The following PLCG2 variants were observed in gnomAD, a reference collection of about 807,000 sequenced individuals.
PLCG2 encodes the protein 1-phosphatidylinositol 4,5-bisphosphate phosphodiesterase gamma-2.
PLCG2 carries 69 observed loss-of-function variants against 175.6 expected under a neutral mutation model. The observed-to-expected ratio is 0.39, with a 90% CI of 0.32 to 0.48. PLCG2 has a LOEUF of 0.48. Among genes scored for constraint, PLCG2 ranks in the 20% least tolerant of loss-of-function variants. The probability of loss-of-function intolerance (pLI) is 0.91; values close to 1 mark genes in which losing one functional copy is unlikely to be tolerated. For missense variants in PLCG2, 1,798 were observed against 1,650.9 expected, an observed-to-expected ratio of 1.09 and a Z score of -1.54; for synonymous variants, 827 against 624.0, an observed-to-expected ratio of 1.33 and a Z score of -4.85.
At chr16:81,740,869 C>T (rs1451446261) in intron 1 of PLCG2, among the ~76,000 whole-genome samples, 1 of 151,470 alleles carries the variant, frequency 6.6e-6, no homozygotes, top group Non-Finnish European at 1.5e-5. Context: ...AGAATGAAAC[C>T]AACCCATTGA....
intron 2 of PLCG2, among the ~76,000 whole-genome samples, chr16:81,811,273 A>G (rs1402685289): frequency 6.6e-6 from 1 of 152,162 alleles, no homozygotes; most frequent in Non-Finnish European, 1.5e-5. Context: ...GTGTGGGTGT[A>G]AAGACTAGAG....
At chr16:81,745,295 C>T (rs1009386096) in intron 1 of PLCG2, among the ~76,000 whole-genome samples, 11 of 152,134 alleles carry the variant, frequency 7.2e-5, no homozygotes, top group South Asian at 2.1e-4. Flanking sequence ...GGAGAGTTGC[C>T]GGAAGCCTTC....
chr16:81,824,034 C>CTTTCCTTTCCTTTCCTTTCT (rs1567483092), intron 2 of PLCG2, among the ~76,000 whole-genome samples: 12 of 55,920 alleles, frequency 2.1e-4, no homozygotes, highest in Non-Finnish European at 3.5e-4. Context: ...CTTTCCTTTC[C>CTTTCCTTTCCTTTCCTTTCT]TTTCCTTTCC....
At chr16:81,927,047 G>T (rs768177503) in intron 22 of PLCG2, 35 bp from the exon 23 acceptor site, 8 of 1,419,022 alleles carry the variant, frequency 5.6e-6, no homozygotes, top group Non-Finnish European at 7.0e-6. Context: ...ATGCCACCTG[G>T]TGACAGCGCC....
intron 2 of PLCG2, among the ~76,000 whole-genome samples, chr16:81,851,499 A>G (rs531196455): frequency 3.3e-5 from 5 of 151,984 alleles, no homozygotes; most frequent in African/African-American, 1.2e-4. Context: ...CTCTTTTCAC[A>G]TGGCCTTTTT....
At chr16:81,947,462 G>A (rs911949186) in intron 31 of PLCG2, among the ~76,000 whole-genome samples, 1 of 152,216 alleles carries the variant, frequency 6.6e-6, no homozygotes, top group Non-Finnish European at 1.5e-5. Flanking sequence ...AAGCCGAGCT[G>A]AATTGCATTC....
rs914989253 is a variant in PLCG2, at chr16:81,939,956, C to A, written c.3378C>A (p.Asp1126Glu). ...AGAAGGTGACATTTGAAATTTATGA[C>A]CCAAACCTGGCATTTCTGCGCTTTG... ...TQEKVTFEIY[D>E]PNLAFLRFVV... Residue 1126 changes from aspartate to glutamate, a missense_variant, in exon 30 of 33, where the codon GAC becomes GAA. Physicochemically the swap from Asp to Glu is conservative, Grantham distance 45. Transcript: ENST00000564138. 3.7e-6 allele frequency: 6 copies of A among 1,613,882 alleles called. No homozygotes were observed. The South Asian group carries it at 5.5e-5, about 15-fold the overall frequency.
intron 7 of PLCG2, among the ~76,000 whole-genome samples, chr16:81,872,164 C>T (rs1597365965): frequency 6.6e-6 from 1 of 152,066 alleles, no homozygotes; most frequent in Admixed American, 6.5e-5. Context: ...CCCATCTCTA[C>T]TAAAAATACA....
intron 2 of PLCG2, among the ~76,000 whole-genome samples, chr16:81,805,783 G>GTTTTTTTTTTTTTTTTTTTTTTTT (rs35014411): frequency 2.4e-5 from 2 of 82,928 alleles, no homozygotes; most frequent in Non-Finnish European, 4.4e-5. Flanking sequence ...TTTTTTTTTT[G>GTTTTTTTTTTTTTTTTTTTTTTTT]TTTTTTTTTT....
At chr16:81,941,094 G>A (rs1910921792) in intron 30 of PLCG2, among the ~76,000 whole-genome samples, 1 of 152,202 alleles carries the variant, frequency 6.6e-6, no homozygotes, top group South Asian at 2.1e-4. Context: ...GAAACGTGGG[G>A]CTCAATGAAG....
chr16:81,812,044 T>A (rs1364234670), intron 2 of PLCG2, among the ~76,000 whole-genome samples: 6 of 94,000 alleles, frequency 6.4e-5, no homozygotes, highest in Non-Finnish European at 1.1e-4. Flanking sequence ...GTTTCCTGAC[T>A]TTTTTTTTTT....
chr16:81,859,259 G>C, intron 5 of PLCG2, 96 bp downstream of exon 5: 1 of 800,592 alleles, frequency 1.2e-6, no homozygotes, highest in South Asian at 1.4e-5. Flanking sequence ...CTTGTCGGGA[G>C]CAAGGTCCTC....
chr16:81,903,865 C>G (rs1909254098), intron 14 of PLCG2, among the ~76,000 whole-genome samples: 1 of 152,224 alleles, frequency 6.6e-6, no homozygotes, highest in Non-Finnish European at 1.5e-5. Flanking sequence ...CTGCCCCACA[C>G]CTGATACGCT....
At chr16:81,868,808 C>T (rs141077980) in intron 5 of PLCG2, among the ~76,000 whole-genome samples, 135 of 152,378 alleles carry the variant, frequency 8.9e-4, no homozygotes, top group Non-Finnish European at 1.6e-3. Context: ...CATGACCATT[C>T]CTGAAGGGTG....
intron 2 of PLCG2, among the ~76,000 whole-genome samples, chr16:81,793,358 T>C (rs753498997): frequency 2.0e-5 from 3 of 152,156 alleles, no homozygotes; most frequent in Non-Finnish European, 4.4e-5. Context: ...TCTGGGGCCT[T>C]TCTGAGTTGA....
chr16:81,927,887 C>T (rs778262557), intron 23 of PLCG2, among the ~76,000 whole-genome samples: 2 of 152,130 alleles, frequency 1.3e-5, no homozygotes, highest in Non-Finnish European at 2.9e-5. Flanking sequence ...GGTTGTGTTC[C>T]GTGTGCTTGG....
intron 2 of PLCG2, among the ~76,000 whole-genome samples, chr16:81,820,230 T>C (rs904107872): frequency 2.0e-5 from 3 of 152,176 alleles, no homozygotes; most frequent in Admixed American, 6.5e-5. Context: ...TAGACATGTG[T>C]AACCACCACC....
intron 5 of PLCG2, among the ~76,000 whole-genome samples, chr16:81,865,731 C>G (rs1907196614): frequency 6.6e-6 from 1 of 150,654 alleles, no homozygotes; most frequent in South Asian, 2.1e-4. Context: ...CCCTTGCTCC[C>G]AGGATGAGCT....
At chr16:81,828,964 G>T (rs1163771980) in intron 2 of PLCG2, among the ~76,000 whole-genome samples, 2 of 152,110 alleles carry the variant, frequency 1.3e-5, no homozygotes, top group African/African-American at 2.4e-5. Context: ...TCCTGTGTGG[G>T]CCATTCTCTC....
Sources: gnomAD v4.1 joint callset for allele counts (sites outside exome capture counted in the v4.1 genomes callset) on GRCh38, gnomAD v4.1.1 for gene constraint, MANE v1.5 for transcripts, NCBI Gene and HGNC (gene_info 2026-07-23, HGNC 2026-07-21) for gene names.